ZNF536: variants seen among roughly 807,000 people sequenced by gnomAD.
ZNF536 encodes zinc finger protein 536.
Under a neutral mutation model 84.5 loss-of-function variants are expected in ZNF536, and 13 were observed. The observed-to-expected ratio is 0.15, with a 90% confidence interval of 0.10 to 0.24. The LOEUF (loss-of-function observed/expected upper bound fraction) is 0.24. Among genes scored for constraint, ZNF536 ranks in the 10% least tolerant of loss-of-function variants. ZNF536 has a pLI of 1.00. For synonymous variants in ZNF536, 811 were observed against 742.5 expected (o/e 1.09, Z -1.50); for missense variants, 1,536 against 1,747.5 (o/e 0.88, Z 2.16).
chr19:30,348,854 G>T (rs886089884), intron 2 of ZNF536, among the ~76,000 whole-genome samples: 12 of 149,330 alleles, frequency 8.0e-5, no homozygotes, highest in Admixed American at 2.0e-4. Flanking sequence ...TGAGAGGCCA[G>T]CAGAATGAAT....
intron 2 of ZNF536, among the ~76,000 whole-genome samples, chr19:30,466,759 A>AGGAAGGAAGGAAGGAC: frequency 1.9e-5 from 1 of 51,676 alleles, no homozygotes; most frequent in South Asian, 1.4e-3. Flanking sequence ...AAAGGAGGGA[A>AGGAAGGAAGGAAGGAC]GGAAGGAAGG....
At chr19:30,545,237 A>G (rs1401046222) in intron 3 of ZNF536, among the ~76,000 whole-genome samples, 1 of 152,134 alleles carries the variant, frequency 6.6e-6, no homozygotes, top group East Asian at 1.9e-4. Flanking sequence ...CCAGAATCAT[A>G]GGGACGCTTA....
At chr19:30,301,286 T>C (rs572855848) in intron 2 of ZNF536, among the ~76,000 whole-genome samples, 1 of 152,240 alleles carries the variant, frequency 6.6e-6, no homozygotes, top group South Asian at 2.1e-4. Context: ...GATAATTTTA[T>C]GTCTGAGGAA....
chr19:30,575,724 G>A (rs138868313), intron 1 of ZNF536, among the ~76,000 whole-genome samples: 13 of 152,338 alleles, frequency 8.5e-5, no homozygotes, highest in African/African-American at 2.4e-4. Context: ...GAGTGCCGGG[G>A]GTGCTGCTAC....
chr19:30,606,865 A>C (rs938660151), intron 1 of ZNF536, among the ~76,000 whole-genome samples: 1 of 152,170 alleles, frequency 6.6e-6, no homozygotes, highest in Non-Finnish European at 1.5e-5. Context: ...AAGTGGCTGC[A>C]TAGGAAGAGG....
intron 1 of ZNF536, among the ~76,000 whole-genome samples, chr19:30,384,210 C>CCTT (rs1568378415): frequency 6.2e-4 from 23 of 36,976 alleles, no homozygotes; most frequent in East Asian, 8.6e-4. Flanking sequence ...CTTCCATCCT[C>CCTT]CCTCCCTCCC....
At chr19:30,411,822 T>C (rs145510594) in intron 1 of ZNF536, among the ~76,000 whole-genome samples, 1 of 152,272 alleles carries the variant, frequency 6.6e-6, no homozygotes, top group African/African-American at 2.4e-5. Context: ...ATAAGTTTGA[T>C]AGATGATCTT....
At position 30,598,282 on chromosome 19, in the gene ZNF536, A is replaced by G. The variant is rs553657284; in HGVS notation, c.169+48768A>G. 3.9e-5 allele frequency among the ~76,000 whole-genome samples: 6 copies of G among 152,290 alleles called. No homozygotes were observed. The East Asian group carries it at 1.2e-3, about 29-fold the overall frequency. On this transcript the variant is annotated intron_variant, in intron 1 of 1. Transcript: ENST00000592773. ...GTAGCCTCCCCAGGCAACCCAACTT[A>G]GCTACAGAAGCTGCAGTTTTGCTGT...
At chr19:30,435,368 G>GTGATGA (rs994897981) in intron 1 of ZNF536, among the ~76,000 whole-genome samples, 1 of 148,398 alleles carries the variant, frequency 6.7e-6, no homozygotes, top group Admixed American at 6.7e-5. Context: ...GGTGATGGTG[G>GTGATGA]TGATGATGAT....
At chr19:30,698,291 C>CAA (rs765488693) in intron 1 of ZNF536, among the ~76,000 whole-genome samples, 4 of 121,474 alleles carry the variant, frequency 3.3e-5, no homozygotes, top group Admixed American at 1.7e-4. Context: ...GACTCAGTCT[C>CAA]AAAAAAAAAA....
intron 1 of ZNF536, among the ~76,000 whole-genome samples, chr19:30,258,889 T>C (rs1237390700): frequency 1.3e-5 from 2 of 152,082 alleles, no homozygotes; most frequent in Admixed American, 1.3e-4. Flanking sequence ...GGCTAATTTT[T>C]ATATTTTTAA....
chr19:30,493,422 A>G (rs2054591162), intron 2 of ZNF536, among the ~76,000 whole-genome samples: 1 of 152,194 alleles, frequency 6.6e-6, no homozygotes, highest in South Asian at 2.1e-4. Flanking sequence ...TGTCCATTAC[A>G]TATGCAACAC....
chr19:30,264,423 G>C (rs915575925), intron 1 of ZNF536, among the ~76,000 whole-genome samples: 2 of 146,982 alleles, frequency 1.4e-5, no homozygotes, highest in Admixed American at 7.0e-5. Context: ...GTGTGTGTAT[G>C]TGTGTGTATT....
At chr19:30,387,951 G>A (rs1346260182) in intron 1 of ZNF536, among the ~76,000 whole-genome samples, 1 of 152,164 alleles carries the variant, frequency 6.6e-6, no homozygotes, top group Non-Finnish European at 1.5e-5. Flanking sequence ...GATGAGCCAG[G>A]CACCAGCTGG....
chr19:30,373,913 C>A (rs1600441948), intron 1 of ZNF536, among the ~76,000 whole-genome samples: 2 of 152,310 alleles, frequency 1.3e-5, no homozygotes, highest in Admixed American at 1.3e-4. Flanking sequence ...GCACGCGGCC[C>A]GGCCCCAGCC....
upstream of ZNF536, among the ~76,000 whole-genome samples, chr19:30,226,041 G>C (rs557842024): frequency 1.9e-3 from 287 of 152,038 alleles, 3 homozygotes; most frequent in Middle Eastern, 0.034. This position sits in a 1 kb window ranked among gnomAD's most constrained non-coding sequence, Gnocchi z 4.6. Flanking sequence ...CTGCGCCTGG[G>C]CCGCCGCCTC....
intron 1 of ZNF536, among the ~76,000 whole-genome samples, chr19:30,240,176 C>G (rs561298397): frequency 6.6e-6 from 1 of 152,012 alleles, no homozygotes; most frequent in Non-Finnish European, 1.5e-5. Context: ...CGACACCAGC[C>G]TGGCCAACAT....
At chr19:30,321,056 C>T (rs1167435068) in intron 2 of ZNF536, among the ~76,000 whole-genome samples, 7 of 152,178 alleles carry the variant, frequency 4.6e-5, no homozygotes, top group Non-Finnish European at 1.0e-4. Context: ...GGGCGTGGGG[C>T]CCCCTCGCAG....
intron 1 of ZNF536, among the ~76,000 whole-genome samples, chr19:30,674,200 T>A (rs1309677360): frequency 6.6e-6 from 1 of 152,156 alleles, no homozygotes; most frequent in Non-Finnish European, 1.5e-5. Context: ...GATAGGGGCC[T>A]GGGTGGAGAA....
Sources: allele counts gnomAD v4.1 joint callset (sites outside exome capture counted in the v4.1 genomes callset), GRCh38; gene constraint gnomAD v4.1.1; non-coding constraint Gnocchi (gnomAD v3.1); transcripts MANE v1.5; gene names NCBI Gene and HGNC (gene_info 2026-07-23, HGNC 2026-07-21).